Variants in SLC45A1 observed in about 807,000 individuals in gnomAD.
SLC45A1 encodes the protein proton-associated sugar transporter A.
A neutral mutation model predicts 57.6 loss-of-function variants in SLC45A1; 28 were observed. That is an observed-to-expected ratio of 0.49 (90% confidence interval 0.36 to 0.67). The LOEUF is 0.67. Ranked by LOEUF, SLC45A1 falls within the 30% of genes least tolerant of loss-of-function variation. SLC45A1 has a pLI of 0.00. For synonymous variants in SLC45A1, 459 were observed against 471.5 expected (o/e 0.97, Z 0.34); for missense variants, 814 against 1,041.5 (o/e 0.78, Z 3.01).
At chr1:8,318,704 A>G (rs1639901493) in intron 1 of SLC45A1, among the ~76,000 whole-genome samples, 1 of 152,186 alleles carries the variant, frequency 6.6e-6, no homozygotes, top group African/African-American at 2.4e-5. Flanking sequence ...TCTGCCCTCG[A>G]CAATCAGCAA....
At chr1:8,341,965 T>C (rs1433182411) in intron 8 of SLC45A1, among the ~76,000 whole-genome samples, 1 of 151,838 alleles carries the variant, frequency 6.6e-6, no homozygotes, top group African/African-American at 2.4e-5. Context: ...CCCAGCACTT[T>C]GGGAGGCCAA....
intron 7 of SLC45A1, 112 bp from the exon 8 acceptor site, chr1:8,339,381 G>C: frequency 3.9e-6 from 4 of 1,028,244 alleles, no homozygotes; most frequent in South Asian, 2.7e-5. Context: ...GACCTGCCAA[G>C]CCGGGTCCCA....
At position 8,335,541 on chromosome 1, in the gene SLC45A1, C is replaced by T; in HGVS notation, c.1548C>T (p.Ile516=). The change falls in exon 6 of 9, where the codon ATC becomes ATT. Residue 516 remains isoleucine (I), a synonymous_variant. Transcript: ENST00000471889. The surrounding 1 kb of genome is among the most constrained non-coding windows in gnomAD (Gnocchi z 4.1). The stretch of plus-strand genomic sequence containing the variant: ...CCGTGGGGCGCCTCTGCTCCACCAT[C>T]TGCAACATGCCCAAGGCGCTACGCA... The part of the protein sequence containing the change: ...PLSVGRLCST[I]CNMPKALRTL... 2.5e-6 allele frequency: 4 copies of T among 1,606,794 alleles called. No individual in the cohort carries two copies. Among genetic ancestry groups the T allele is most frequent in the Non-Finnish European group, 3.4e-6 (4 of 1,179,728 alleles).
At chr1:8,320,371 G>A (rs183954708) in intron 1 of SLC45A1, among the ~76,000 whole-genome samples, 239 of 152,272 alleles carry the variant, frequency 1.6e-3, no homozygotes, top group Non-Finnish European at 2.7e-3. Flanking sequence ...GGCTGGGAAT[G>A]GTGGCTCATG....
intron 8 of SLC45A1, among the ~76,000 whole-genome samples, chr1:8,341,207 A>AAGATAGTAATACTTTG (rs2124328150): frequency 6.7e-6 from 1 of 150,234 alleles, no homozygotes; most frequent in South Asian, 2.1e-4. Context: ...TTCAAAAAAA[A>AAGATAGTAATACTTTG]AAAAAAAAAG....
chr1:8,318,202 C>A lies in SLC45A1; in HGVS notation c.-25+16C>A. ...CCACCCACAGGTACCACCGTCTCCTCCGCGCCCTCCGCCCGCTCTCTGGCT... is the reference window on the plus strand; with the variant it reads ...CCACCCACAGGTACCACCGTCTCCTACGCGCCCTCCGCCCGCTCTCTGGCT... On this transcript the variant is annotated intron_variant, in intron 1 of 8. Coordinates refer to ENST00000471889, the MANE Select transcript of SLC45A1 (RefSeq NM_001080397.3). 2.4e-6 allele frequency: 1 copy of A among 424,920 alleles called. No individual in the cohort carries two copies. Among genetic ancestry groups the A allele is most frequent in the South Asian group, 8.4e-5 (1 of 11,932 alleles). 26.3% of individuals were successfully genotyped at this position (424,920 alleles called of 1,614,324 possible).
chr1:8,337,703 C>T (rs1233811913), intron 6 of SLC45A1, 113 bp from the exon 7 acceptor site: 5 of 1,013,800 alleles, frequency 4.9e-6, no homozygotes, highest in Admixed American at 4.9e-5. Context: ...CAGGCGTGAG[C>T]CACCACGCCC....
At chr1:8,324,856 G>A (rs1569933397) in intron 2 of SLC45A1, 130 bp downstream of exon 2, 1 of 896,754 alleles carries the variant, frequency 1.1e-6, no homozygotes, top group Non-Finnish European at 1.6e-6. Flanking sequence ...GTCTGGGACT[G>A]TGGGGAACAC....
rs1159547536 is a variant in SLC45A1 at position 8,326,574 on chromosome 1, G to A, written c.715+532G>A. On this transcript the variant is annotated intron_variant, in intron 4 of 8. Transcript: ENST00000471889. This position sits in a 1 kb window ranked among gnomAD's most constrained non-coding sequence, Gnocchi z 5.5. Reference sequence around the variant, plus strand: ...TGCATTTTCTGCACAAGGCACATCCGGCTTTCTTGCACCTGGAAACGTCAG... The same window carrying A: ...TGCATTTTCTGCACAAGGCACATCCAGCTTTCTTGCACCTGGAAACGTCAG... Among the ~76,000 whole-genome samples the A allele has an allele frequency of 1.3e-5, 2 of 152,164 alleles. No individual in the cohort carries two copies. The highest frequency in any genetic ancestry group is 1.9e-4 in the East Asian group (1 of 5,204).
intron 8 of SLC45A1, among the ~76,000 whole-genome samples, chr1:8,340,165 C>CT (rs113004016): frequency 0.054 from 7,702 of 141,802 alleles, 700 homozygotes; most frequent in African/African-American, 0.18. Flanking sequence ...TTCTTTCTTT[C>CT]TTTTTTTTTT....
Position 8,341,229 on chromosome 1 carries a change from C to T in SLC45A1, c.1980+1531C>T, listed in dbSNP as rs1640802701. ...AAAAAAAAAAAAAGAGTAAGAGGGA[C>T]AATGAATAGAAATTTCACTTCACAG... On this transcript the variant is annotated intron_variant, in intron 8 of 8. Transcript: ENST00000471889. Among the ~76,000 whole-genome samples the T allele has an allele frequency of 2.1e-5, 3 of 142,466 alleles. No homozygotes were observed. In the East Asian group the frequency reaches 6.4e-4, roughly 31 times the overall value. 93.5% of individuals were successfully genotyped at this position (142,466 alleles called of 152,430 possible). A position where few individuals can be genotyped will look rare whatever the true frequency, so the allele number is the denominator to read the frequency against.
intron 8 of SLC45A1, among the ~76,000 whole-genome samples, chr1:8,342,459 G>A (rs1160401485): frequency 1.3e-5 from 2 of 152,192 alleles, no homozygotes; most frequent in African/African-American, 4.8e-5. Context: ...CTAGGTGACC[G>A]CTAACCTTCT....
rs760681295 is a variant in SLC45A1, at chr1:8,326,063, C to G, written c.715+21C>G. The G allele has an allele frequency of 6.3e-7, 1 of 1,585,074 alleles. No homozygotes were observed. The highest frequency in any genetic ancestry group is 1.3e-5 in the African/African-American group (1 of 74,630). On this transcript the variant is annotated intron_variant, in intron 4 of 8. Coordinates refer to ENST00000471889, the MANE Select transcript of SLC45A1 (RefSeq NM_001080397.3). This position sits in a 1 kb window ranked among gnomAD's most constrained non-coding sequence, Gnocchi z 5.5. ...GGCAGGTGAGTCTCCGCAGCAGGGCCGAAGCTGAATCTGCCGGGCTGCAGG... is the reference window on the plus strand; with the variant it reads ...GGCAGGTGAGTCTCCGCAGCAGGGCGGAAGCTGAATCTGCCGGGCTGCAGG...
At position 8,334,063 on chromosome 1, in the gene SLC45A1, G is replaced by A. The variant is rs191317518; in HGVS notation, c.1444-1374G>A. Among the ~76,000 whole-genome samples, 9 of 152,350 alleles carry A rather than the reference G, an allele frequency of 5.9e-5. No homozygotes were observed. In the East Asian group the frequency reaches 1.5e-3, roughly 26 times the overall value. On this transcript the variant is annotated intron_variant, in intron 5 of 8. Coordinates refer to ENST00000471889, the MANE Select transcript of SLC45A1 (RefSeq NM_001080397.3). Reference sequence around the variant, plus strand: ...TGCCAGGGTAATTAATCTGGTCTTTGTCAACACTGGATCGTCCCAGACTGT... The same window carrying A: ...TGCCAGGGTAATTAATCTGGTCTTTATCAACACTGGATCGTCCCAGACTGT...
In SLC45A1 at chr1:8,337,994, T is replaced by C. The variant is rs765960608; in HGVS notation, c.1774+2T>C. The C allele has an allele frequency of 6.2e-7, 1 of 1,612,642 alleles. No homozygotes were observed. On this transcript the variant is annotated splice_donor_variant, in intron 7 of 8. Coordinates refer to ENST00000471889, the MANE Select transcript of SLC45A1 (RefSeq NM_001080397.3). LOFTEE classifies it high-confidence loss of function. ...CCTTCAGTGCTGCCTTCTACTCAGGTACCCGCTGCCAGCCAGGCTGGCACG... is the reference window on the plus strand; with the variant it reads ...CCTTCAGTGCTGCCTTCTACTCAGGCACCCGCTGCCAGCCAGGCTGGCACG...
intron 8 of SLC45A1, among the ~76,000 whole-genome samples, chr1:8,340,579 C>T (rs1034566227): frequency 3.9e-5 from 6 of 152,186 alleles, no homozygotes; most frequent in Admixed American, 3.9e-4. Context: ...CCTGACTAGA[C>T]GTTTCTTGCC....
intron 1 of SLC45A1, among the ~76,000 whole-genome samples, chr1:8,322,070 G>A (rs1335602423): frequency 2.4e-5 from 3 of 127,376 alleles, no homozygotes; most frequent in Non-Finnish European, 3.4e-5. Context: ...TGGGTGGGTG[G>A]GTGGATTGAT....
At position 8,326,841 on chromosome 1, in the gene SLC45A1, G is replaced by C. The variant is rs546586004; in HGVS notation, c.715+799G>C. On this transcript the variant is annotated intron_variant, in intron 4 of 8. Transcript: ENST00000471889. This position sits in a 1 kb window ranked among gnomAD's most constrained non-coding sequence, Gnocchi z 5.5. ...TAAAAATACAAAAAATTAGCTGGGC[G>C]TGGTGGCACATGCCTGTAATCCCAG... Among the ~76,000 whole-genome samples, 284 of 152,276 alleles carry C rather than the reference G, an allele frequency of 1.9e-3. 2 individuals carry two copies. The highest frequency in any genetic ancestry group is 6.4e-3 in the African/African-American group (267 of 41,550).
At chr1:8,332,654 G>C (rs1454607722) in intron 5 of SLC45A1, among the ~76,000 whole-genome samples, 1 of 151,898 alleles carries the variant, frequency 6.6e-6, no homozygotes, top group African/African-American at 2.4e-5. Context: ...TGGGACTACG[G>C]GCACCCACCA....
Sources: allele counts gnomAD v4.1 joint callset (sites outside exome capture counted in the v4.1 genomes callset), GRCh38; gene constraint gnomAD v4.1.1; non-coding constraint Gnocchi (gnomAD v3.1); transcripts MANE v1.5; gene names NCBI Gene and HGNC (gene_info 2026-07-23, HGNC 2026-07-21).